The following CTNNA2 variants were observed in gnomAD, a reference collection of about 807,000 sequenced individuals.
The protein encoded by CTNNA2 is catenin alpha-2.
CTNNA2 carries 42 observed loss-of-function variants against 101.0 expected under a neutral mutation model. The observed-to-expected ratio is 0.42, with a 90% CI of 0.32 to 0.54. The LOEUF (loss-of-function observed/expected upper bound fraction) is 0.54. CTNNA2 is among the 20% of genes least tolerant of loss of function. The pLI is 0.14. For missense variants in CTNNA2, 871 were observed against 1,223.1 expected, an observed-to-expected ratio of 0.71 and a Z score of 4.29; for synonymous variants, 450 against 456.4, an observed-to-expected ratio of 0.99 and a Z score of 0.18.
chr2:79,343,404 G>C (rs1211531899), intron 3 of CTNNA2, among the ~76,000 whole-genome samples: 1 of 152,096 alleles, frequency 6.6e-6, no homozygotes, highest in African/African-American at 2.4e-5. Flanking sequence ...CAATTCTGTA[G>C]GCTAGACTGC....
At chr2:80,241,552 A>G (rs918129247) in intron 7 of CTNNA2, among the ~76,000 whole-genome samples, 7 of 151,640 alleles carry the variant, frequency 4.6e-5, no homozygotes, top group African/African-American at 1.7e-4. Context: ...ATATCTATAC[A>G]TCTGTATCTC....
rs57627340 is a variant in CTNNA2, at chr2:80,374,059, TA to T, written c.1057-19140del. 9.8e-3 allele frequency among the ~76,000 whole-genome samples: 1,431 copies of T among 146,624 alleles called. 15 individuals carry two copies. Among genetic ancestry groups the T allele is most frequent in the South Asian group, 0.035 (162 of 4,668 alleles). On this transcript the variant is annotated intron_variant, in intron 7 of 18. Coordinates refer to ENST00000402739, the MANE Select transcript of CTNNA2 (RefSeq NM_001282597.3). ...CAAAATACCAAAGACTGGGAAACTT[TA>T]AAAAAAAAAAAGATTTCAACTCTTA...
intron 3 of CTNNA2, among the ~76,000 whole-genome samples, chr2:79,786,000 G>C (rs947124819): frequency 6.6e-6 from 1 of 152,168 alleles, no homozygotes; most frequent in Non-Finnish European, 1.5e-5. Flanking sequence ...AAGGAGGTGG[G>C]CAGGAGAGAA....
At chr2:79,287,759 G>A (rs2104364329) in intron 2 of CTNNA2, among the ~76,000 whole-genome samples, 1 of 152,322 alleles carries the variant, frequency 6.6e-6, no homozygotes, top group Admixed American at 6.5e-5. Context: ...GCCTCCTTGA[G>A]CTGTGGTGGG....
At chr2:79,567,940 G>A (rs901400919) in intron 1 of CTNNA2, among the ~76,000 whole-genome samples, 1 of 152,160 alleles carries the variant, frequency 6.6e-6, no homozygotes, top group African/African-American at 2.4e-5. Context: ...ACTATTTTTA[G>A]AGAATGCCTG....
At chr2:79,436,219 T>C (rs1345129560) in intron 4 of CTNNA2, among the ~76,000 whole-genome samples, 1 of 152,196 alleles carries the variant, frequency 6.6e-6, no homozygotes, top group Admixed American at 6.5e-5. Flanking sequence ...GGAGATGTCA[T>C]CAGGAAGCCT....
intron 6 of CTNNA2, among the ~76,000 whole-genome samples, chr2:79,893,645 T>C (rs1684457724): frequency 2.0e-5 from 3 of 152,290 alleles, no homozygotes; most frequent in Non-Finnish European, 4.4e-5. Context: ...GGAAATAAGG[T>C]ATAAATCATA....
At chr2:79,789,787 G>A (rs1675131598) in intron 3 of CTNNA2, among the ~76,000 whole-genome samples, 1 of 152,064 alleles carries the variant, frequency 6.6e-6, no homozygotes, top group Admixed American at 6.6e-5. Flanking sequence ...GACTGTGATG[G>A]TGAGAGGAGA....
At chr2:80,138,990 A>G (rs1008162457) in intron 7 of CTNNA2, among the ~76,000 whole-genome samples, 9 of 152,122 alleles carry the variant, frequency 5.9e-5, no homozygotes, top group African/African-American at 2.2e-4. Context: ...ATTCTACCAA[A>G]TGTTTACTTC....
At chr2:80,474,427 C>T (rs927263697) in intron 9 of CTNNA2, among the ~76,000 whole-genome samples, 2 of 152,040 alleles carry the variant, frequency 1.3e-5, no homozygotes, top group Non-Finnish European at 2.9e-5. Flanking sequence ...GATCCACCCC[C>T]ACCATATCCC....
At chr2:79,715,806 G>A (rs763420637) in intron 2 of CTNNA2, among the ~76,000 whole-genome samples, 13 of 151,884 alleles carry the variant, frequency 8.6e-5, no homozygotes, top group Non-Finnish European at 1.6e-4. Flanking sequence ...CCAGAAAAGT[G>A]AGTGACCCAC....
In CTNNA2 at chr2:79,895,692, ATT is replaced by A. The variant is rs70940058; in HGVS notation, c.853-13886_853-13885del. Among the ~76,000 whole-genome samples the A allele has an allele frequency of 1.7e-3, 239 of 140,574 alleles. 1 individual carries two copies. Among genetic ancestry groups the A allele is most frequent in the African/African-American group, 3.9e-3 (146 of 37,750 alleles). The allele number at this position is 140,574 out of a possible 152,430, so 92.2% of individuals were successfully genotyped here. On this transcript the variant is annotated intron_variant, in intron 6 of 18. Transcript: ENST00000402739. ...ATTATGTGGTTTGTGAAATTTCTTAATTTTTTTTTTTTTTTTTGGCTGCATGC... is the reference window on the plus strand; with the variant it reads ...ATTATGTGGTTTGTGAAATTTCTTAATTTTTTTTTTTTTTTGGCTGCATGC...
chr2:79,268,738 G>A (rs1256900564), intron 2 of CTNNA2, among the ~76,000 whole-genome samples: 1 of 152,170 alleles, frequency 6.6e-6, no homozygotes, highest in Non-Finnish European at 1.5e-5. Flanking sequence ...TTGCGTGGGT[G>A]GTGTGTGGGG....
At chr2:79,623,908 G>A (rs941819911) in intron 1 of CTNNA2, among the ~76,000 whole-genome samples, 1 of 152,098 alleles carries the variant, frequency 6.6e-6, no homozygotes, top group Non-Finnish European at 1.5e-5. Context: ...ATCTGTCTCA[G>A]ACTCATACTG....
intron 7 of CTNNA2, among the ~76,000 whole-genome samples, chr2:79,941,010 A>G (rs1688122058): frequency 6.6e-6 from 1 of 152,158 alleles, no homozygotes; most frequent in Non-Finnish European, 1.5e-5. Context: ...TATAGCATGA[A>G]TTTCAGAAGC....
intron 2 of CTNNA2, among the ~76,000 whole-genome samples, chr2:79,212,247 A>T (rs1043596281): frequency 1.1e-4 from 17 of 152,168 alleles, no homozygotes; most frequent in Non-Finnish European, 2.2e-4. Flanking sequence ...GGCATGTATG[A>T]GTAGTTGAGA....
intron 3 of CTNNA2, among the ~76,000 whole-genome samples, chr2:79,768,839 T>G (rs6547277): frequency 0.45 from 68,451 of 151,790 alleles, 19,442 homozygotes; most frequent in African/African-American, 0.78. Context: ...TGAAAAGCAG[T>G]TTGTGTGACT....
chr2:79,818,978 C>CTT (rs763868991), intron 3 of CTNNA2, among the ~76,000 whole-genome samples: 1 of 131,708 alleles, frequency 7.6e-6, no homozygotes, highest in African/African-American at 2.8e-5. Flanking sequence ...TATTCTTTTT[C>CTT]TTTTTTTTTT....
intron 2 of CTNNA2, among the ~76,000 whole-genome samples, chr2:79,676,363 A>C (rs537759956): frequency 2.6e-5 from 4 of 152,140 alleles, no homozygotes; most frequent in Non-Finnish European, 5.9e-5. Context: ...CAGCCAGGTC[A>C]CATACCAGCT....
Sources: allele counts gnomAD v4.1 joint callset (sites outside exome capture counted in the v4.1 genomes callset), GRCh38; gene constraint gnomAD v4.1.1; transcripts MANE v1.5; gene names NCBI Gene and HGNC (gene_info 2026-07-23, HGNC 2026-07-21).